Variants in JPH3 observed in about 807,000 individuals in gnomAD.
The protein encoded by JPH3 is junctophilin-3.
In JPH3, 11 loss-of-function variants were observed where a neutral mutation model predicts 59.6. That is an observed-to-expected ratio of 0.18 (90% CI 0.12 to 0.31). The LOEUF (loss-of-function observed/expected upper bound fraction) is 0.31. JPH3 is among the 10% of genes least tolerant of loss of function. The probability of loss-of-function intolerance (pLI) is 1.00; values close to 1 mark genes in which losing one functional copy is unlikely to be tolerated. For missense variants in JPH3, 1,202 were observed against 1,105.7 expected (o/e 1.09, Z -1.24); for synonymous variants, 673 against 483.6 (o/e 1.39, Z -5.14).
At chr16:87,626,376 C>A (rs925099549) in intron 1 of JPH3, among the ~76,000 whole-genome samples, 3 of 152,222 alleles carry the variant, frequency 2.0e-5, no homozygotes, top group African/African-American at 7.2e-5. Context: ...GCCTGCCTCT[C>A]TCCGACCGCG....
chr16:87,639,248 G>C lies in JPH3; in HGVS notation c.383-5010G>C, dbSNP rs545173780. 5.3e-5 allele frequency among the ~76,000 whole-genome samples: 8 copies of C among 152,220 alleles called. No individual in the cohort carries two copies. The East Asian group carries it at 1.2e-3, about 22-fold the overall frequency. On this transcript the variant is annotated intron_variant, in intron 1 of 4. Coordinates refer to ENST00000284262, the MANE Select transcript of JPH3 (RefSeq NM_020655.4). ...AGATGAGGAGACTGAGTCAGAGAGA[G>C]GTTAACCCAGACATTCCCAAGGTTG... is the stretch of plus-strand genomic sequence containing the variant.
Position 87,653,674 on chromosome 16 carries a change from C to T in JPH3, c.1160+8639C>T, listed in dbSNP as rs78921313. 1,108 of 152,336 alleles carry T rather than the reference C, an allele frequency of 7.3e-3. 20 individuals carry two copies. The East Asian group carries it at 0.073, about 10-fold the overall frequency. The allele number at this position is 152,336 out of a possible 1,614,324, so 9.4% of individuals were successfully genotyped here. A position where few individuals can be genotyped will look rare whatever the true frequency, so the allele number is the denominator to read the frequency against. On this transcript the variant is annotated intron_variant, in intron 2 of 4. Transcript: ENST00000284262. ...GAAGGAGGTAGCACAGTTCTCATCA[C>T]GGGTGTGCTTAGTGTCCCCCTAAAG...
Position 87,692,068 on chromosome 16 carries a change from G to C in JPH3, c.2166+1542G>C, listed in dbSNP as rs188469491. On this transcript the variant is annotated intron_variant, in intron 4 of 4. Coordinates refer to ENST00000284262, the MANE Select transcript of JPH3 (RefSeq NM_020655.4). ...GCTACATGCTGCCCTGGTCCTGCCC[G>C]GTCTCCAGCTGGGGCTAATCTGGAG... Among the ~76,000 whole-genome samples the C allele has an allele frequency of 2.2e-3, 334 of 152,254 alleles. 1 individual carries two copies. Among genetic ancestry groups the C allele is most frequent in the African/African-American group, 7.6e-3 (315 of 41,548 alleles).
chr16:87,690,639 G>T (rs1055188557), intron 4 of JPH3, 113 bp downstream of exon 4: 214 of 1,131,826 alleles, frequency 1.9e-4, no homozygotes, highest in Middle Eastern at 1.2e-3. Flanking sequence ...TCCTCTCCAG[G>T]GGTGGAGTAG....
chr16:87,612,168 C>G (rs928937988), intron 1 of JPH3, among the ~76,000 whole-genome samples: 4 of 152,160 alleles, frequency 2.6e-5, no homozygotes, highest in Non-Finnish European at 2.9e-5. Flanking sequence ...GTCTGTCGTC[C>G]TGGCGTGCAA....
intron 2 of JPH3, among the ~76,000 whole-genome samples, chr16:87,646,187 C>A (rs1743668657): frequency 6.6e-6 from 1 of 152,240 alleles, no homozygotes; most frequent in African/African-American, 2.4e-5. Context: ...TGCGGCTCAG[C>A]CCTTCCCGAC....
At chr16:87,696,016 C>T in intron 4 of JPH3, 2 of 456,074 alleles carry the variant, frequency 4.4e-6, no homozygotes, top group Non-Finnish European at 8.8e-6. Context: ...GGACACAGTC[C>T]TCCAGAGCCA....
chr16:87,618,363 G>A (rs952248118), intron 1 of JPH3, among the ~76,000 whole-genome samples: 8 of 152,130 alleles, frequency 5.3e-5, no homozygotes, highest in East Asian at 1.9e-4. Flanking sequence ...TGGACAGGCC[G>A]GGAAAAGGAG....
chr16:87,687,722 AGG>A (rs2033452146), intron 3 of JPH3, among the ~76,000 whole-genome samples: 2 of 152,058 alleles, frequency 1.3e-5, no homozygotes, highest in Non-Finnish European at 2.9e-5. Flanking sequence ...ATTCTAGCTG[AGG>A]GTGCCCTCCT....
intron 2 of JPH3, among the ~76,000 whole-genome samples, chr16:87,656,218 A>G (rs2032497315): frequency 6.6e-6 from 1 of 152,246 alleles, no homozygotes; most frequent in South Asian, 2.1e-4. Flanking sequence ...TTTACAGCCC[A>G]GGAAACAGAG....
At chr16:87,669,559 A>G (rs1205484397) in intron 2 of JPH3, among the ~76,000 whole-genome samples, 1 of 152,164 alleles carries the variant, frequency 6.6e-6, no homozygotes, top group African/African-American at 2.4e-5. Context: ...TCACGACAGA[A>G]AGCATGGGAG....
At chr16:87,662,526 C>G (rs561249089) in intron 2 of JPH3, among the ~76,000 whole-genome samples, 1 of 151,826 alleles carries the variant, frequency 6.6e-6, no homozygotes, top group Non-Finnish European at 1.5e-5. Context: ...CCAGGATGTT[C>G]GTTTTGGGGT....
intron 2 of JPH3, among the ~76,000 whole-genome samples, chr16:87,649,410 C>T (rs555797190): frequency 2.0e-5 from 3 of 152,260 alleles, no homozygotes; most frequent in African/African-American, 7.2e-5. Context: ...GAATGCCTCG[C>T]TGTCCCCGGG....
At chr16:87,681,719 G>A (rs2033300627) in intron 2 of JPH3, among the ~76,000 whole-genome samples, 1 of 152,182 alleles carries the variant, frequency 6.6e-6, no homozygotes, top group Admixed American at 6.6e-5. Context: ...GGAAGGTCAA[G>A]TGCATGTGGT....
At chr16:87,640,314 C>G (rs2031903738) in intron 1 of JPH3, among the ~76,000 whole-genome samples, 1 of 143,986 alleles carries the variant, frequency 6.9e-6, no homozygotes. Flanking sequence ...GGCGACAGAG[C>G]AAGACTCCAT....
chr16:87,671,148 G>A (rs1051848138), intron 2 of JPH3, among the ~76,000 whole-genome samples: 25 of 152,162 alleles, frequency 1.6e-4, no homozygotes, highest in Non-Finnish European at 7.4e-5. Context: ...GGAGTCCAGC[G>A]AGACAATGGG....
chr16:87,628,961 C>G (rs1000169852), intron 1 of JPH3, among the ~76,000 whole-genome samples: 1 of 152,090 alleles, frequency 6.6e-6, no homozygotes, highest in African/African-American at 2.4e-5. Context: ...CACAAATCAG[C>G]CAGAGTTACT....
chr16:87,688,925 A>T (rs895501957), intron 3 of JPH3, among the ~76,000 whole-genome samples: 11 of 152,170 alleles, frequency 7.2e-5, no homozygotes, highest in African/African-American at 2.4e-4. Flanking sequence ...GCTCCGGAGA[A>T]GTCTCGGGGC....
intron 2 of JPH3, among the ~76,000 whole-genome samples, chr16:87,647,984 G>T (rs546283162): frequency 2.0e-3 from 303 of 152,330 alleles, no homozygotes; most frequent in African/African-American, 6.9e-3. Flanking sequence ...CCTGCTGAAG[G>T]GGGGCGGGGC....
Sources: allele counts gnomAD v4.1 joint callset (sites outside exome capture counted in the v4.1 genomes callset), GRCh38; gene constraint gnomAD v4.1.1; transcripts MANE v1.5; gene names NCBI Gene and HGNC (gene_info 2026-07-23, HGNC 2026-07-21).